Variants in ECE1 observed in about 807,000 individuals in gnomAD.
ECE1 encodes endothelin converting enzyme 1, also known as endothelin-converting enzyme 1.
A neutral mutation model predicts 98.6 loss-of-function variants in ECE1; 35 were observed. The ratio of observed to expected loss-of-function variants is 0.35; its 90% CI spans 0.27 to 0.47. ECE1 has a LOEUF of 0.47. ECE1 is among the 20% of genes least tolerant of loss of function. The pLI is 1.00. For missense variants in ECE1, 814 were observed against 1,025.3 expected (o/e 0.79, Z 2.81); for synonymous variants, 394 against 407.1 (o/e 0.97, Z 0.39).
intron 1 of ECE1, among the ~76,000 whole-genome samples, chr1:21,336,685 T>C (rs149952597): frequency 2.0e-4 from 31 of 151,752 alleles, no homozygotes; most frequent in African/African-American, 6.8e-4. Context: ...CAACTAAAAA[T>C]ACAAAAAATT....
At chr1:21,293,749 T>A (rs956333548), upstream of ECE1, 2 of 151,162 alleles carry the variant, frequency 1.3e-5, no homozygotes, top group Admixed American at 6.6e-5. Flanking sequence ...AGTGGGTGAG[T>A]GACATTTCAA....
At chr1:21,245,632 G>A (rs1332146812) in intron 9 of ECE1, among the ~76,000 whole-genome samples, 3 of 152,212 alleles carry the variant, frequency 2.0e-5, no homozygotes, top group African/African-American at 4.8e-5. Flanking sequence ...CCGTTGCCAA[G>A]AAGTCACCTT....
chr1:21,295,313 C>A (rs1431003985), upstream of ECE1, among the ~76,000 whole-genome samples: 1 of 152,192 alleles, frequency 6.6e-6, no homozygotes, highest in African/African-American at 2.4e-5. Context: ...GAGTTCAAGA[C>A]CAGCCTGGGA....
chr1:21,302,220 T>C (rs1638500912), intron 1 of ECE1, among the ~76,000 whole-genome samples: 2 of 152,182 alleles, frequency 1.3e-5, no homozygotes, highest in Admixed American at 1.3e-4. Context: ...ACGCCACCTG[T>C]TCCAGGAGGC....
intron 1 of ECE1, among the ~76,000 whole-genome samples, chr1:21,305,704 G>T (rs1638579987): frequency 6.6e-6 from 1 of 152,160 alleles, no homozygotes; most frequent in Non-Finnish European, 1.5e-5. Flanking sequence ...GGGTACGGGT[G>T]GTAAAGAGAC....
At chr1:21,286,709 G>A (rs1320106481) in intron 2 of ECE1, among the ~76,000 whole-genome samples, 1 of 152,132 alleles carries the variant, frequency 6.6e-6, no homozygotes, top group Non-Finnish European at 1.5e-5. Flanking sequence ...AGGATCACTT[G>A]AGGCCAGGAG....
intron 9 of ECE1, among the ~76,000 whole-genome samples, chr1:21,246,736 A>G (rs2098204174): frequency 6.6e-6 from 1 of 152,032 alleles, no homozygotes; most frequent in African/African-American, 2.4e-5. Context: ...AGCTCACTAC[A>G]ACCTCTGCCT....
At chr1:21,325,805 C>T (rs960275170) in intron 1 of ECE1, among the ~76,000 whole-genome samples, 10 of 152,216 alleles carry the variant, frequency 6.6e-5, no homozygotes, top group East Asian at 1.9e-4. Context: ...GAAACAGGTA[C>T]GAGAAGCAAC....
chr1:21,232,846 T>A (rs1180745394), intron 14 of ECE1, among the ~76,000 whole-genome samples: 1 of 151,832 alleles, frequency 6.6e-6, no homozygotes, highest in Non-Finnish European at 1.5e-5. Context: ...CCCGGTTAAT[T>A]TTTGTATTTT....
intron 1 of ECE1, among the ~76,000 whole-genome samples, chr1:21,339,648 C>A (rs1457840732): frequency 6.6e-6 from 1 of 152,240 alleles, no homozygotes; most frequent in African/African-American, 2.4e-5. Context: ...GTTGGTGGTT[C>A]CTAATCCCCT....
chr1:21,227,125 G>A (rs748954443), intron 16 of ECE1, 34 bp downstream of exon 16: 1 of 1,608,438 alleles, frequency 6.2e-7, no homozygotes, highest in East Asian at 2.2e-5. Context: ...GGAGATTACA[G>A]GCATGAGCCA....
At position 21,233,357 on chromosome 1, in the gene ECE1, C is replaced by T. The variant is rs1237250300; in HGVS notation, c.1670+201G>A. The stretch of plus-strand genomic sequence containing the variant: ...CAGGCTGGGCAGGCTCAAGCCCATC[C>T]CAGCTCCTAGCTGGGCCATACTTCT... On this transcript the variant is annotated intron_variant, in intron 14 of 18. Coordinates refer to ENST00000374893, the MANE Select transcript of ECE1 (RefSeq NM_001397.3). The surrounding 1 kb of genome is among the most constrained non-coding windows in gnomAD (Gnocchi z 4.0). 5.5e-6 allele frequency: 3 copies of T among 546,260 alleles called. No individual in the cohort carries two copies. The Admixed American group carries it at 9.3e-5, about 17-fold the overall frequency. 33.8% of individuals were successfully genotyped at this position (546,260 alleles called of 1,614,324 possible). A position where few individuals can be genotyped will look rare whatever the true frequency, so the allele number is the denominator to read the frequency against.
At chr1:21,297,530 C>CTTTTTTT (rs768958507) in intron 1 of ECE1, among the ~76,000 whole-genome samples, 24 of 116,182 alleles carry the variant, frequency 2.1e-4, no homozygotes, top group Non-Finnish European at 3.3e-4. Flanking sequence ...TTTTCTTTTT[C>CTTTTTTT]TTTTTTTTTT....
rs540316299 is a variant in ECE1, at chr1:21,340,495, C to T, written c.3+4881G>A. ...TTCTACTCAATCACCACAAAGCAGC[C>T]TGTGACCATCTCAGAATGCAAATCC... On this transcript the variant is annotated intron_variant, in intron 1 of 18. Coordinates refer to the ECE1 transcript ENST00000415912. This position sits in a 1 kb window ranked among gnomAD's most constrained non-coding sequence, Gnocchi z 4.6. Among the ~76,000 whole-genome samples, 3 of 152,346 alleles carry T rather than the reference C, an allele frequency of 2.0e-5. No individual in the cohort carries two copies. The highest frequency in any genetic ancestry group is 7.2e-5 in the African/African-American group (3 of 41,584).
At chr1:21,253,399 A>T (rs1249341589) in intron 8 of ECE1, among the ~76,000 whole-genome samples, 1 of 152,050 alleles carries the variant, frequency 6.6e-6, no homozygotes, top group Non-Finnish European at 1.5e-5. Flanking sequence ...AAATATGCAT[A>T]TATACCCATT....
intron 1 of ECE1, chr1:21,299,206 T>A: frequency 4.4e-6 from 1 of 227,584 alleles, no homozygotes; most frequent in East Asian, 9.5e-5. Flanking sequence ...GTATTTGTGT[T>A]ACACAGGTGA....
At chr1:21,242,377 AT>A (rs1297721867) in intron 10 of ECE1, among the ~76,000 whole-genome samples, 1 of 152,232 alleles carries the variant, frequency 6.6e-6, no homozygotes, top group Non-Finnish European at 1.5e-5. Context: ...AATGAAGGCC[AT>A]TCACAAAAGT....
At chr1:21,306,102 T>G (rs1638589493) in intron 1 of ECE1, among the ~76,000 whole-genome samples, 2 of 152,234 alleles carry the variant, frequency 1.3e-5, no homozygotes. Context: ...TGTATTCATT[T>G]GCTCATTCAT....
Position 21,345,479 on chromosome 1 carries a change from G to A in ECE1, c.-101C>T, listed in dbSNP as rs552381658. 5.4e-6 allele frequency: 6 copies of A among 1,115,834 alleles called. No individual in the cohort carries two copies. The African/African-American group carries it at 6.5e-5, about 12-fold the overall frequency. The allele number at this position is 1,115,834 out of a possible 1,614,324, so 69.1% of individuals were successfully genotyped here. On this transcript the variant is annotated 5_prime_UTR_variant, in exon 1 of 19. Transcript: ENST00000415912. The surrounding 1 kb of genome is among the most constrained non-coding windows in gnomAD (Gnocchi z 5.1). ...CCCAGCCCAGCTGCTCGGACGGCTC[G>A]GCTGCCTGGCCCAGGCGGCGCGCTC...
Sources: allele counts gnomAD v4.1 joint callset (sites outside exome capture counted in the v4.1 genomes callset), GRCh38; gene constraint gnomAD v4.1.1; non-coding constraint Gnocchi (gnomAD v3.1); transcripts MANE v1.5; gene names NCBI Gene and HGNC (gene_info 2026-07-23, HGNC 2026-07-21).